STARD7: variants seen among roughly 807,000 people sequenced by gnomAD.
STARD7 encodes the protein StAR related lipid transfer domain containing 7.
A neutral mutation model predicts 45.3 loss-of-function variants in STARD7; 30 were observed. That is an observed-to-expected ratio of 0.66 (90% CI 0.50 to 0.90). STARD7 has a LOEUF of 0.90. Ranked by LOEUF, STARD7 falls within the 40% of genes least tolerant of loss-of-function variation. The pLI is 0.00. For synonymous variants in STARD7, 199 were observed against 183.0 expected (o/e 1.09, Z -0.70); for missense variants, 495 against 491.3 (o/e 1.01, Z -0.07).
At chr2:96,187,438 T>G in intron 6 of STARD7, 137 bp from the exon 7 acceptor site, 1 of 624,250 alleles carries the variant, frequency 1.6e-6, no homozygotes, top group Non-Finnish European at 2.8e-6. Flanking sequence ...CAGAAAAGAG[T>G]TAACACTGAA....
intron 1 of STARD7, among the ~76,000 whole-genome samples, chr2:96,203,494 G>A (rs904349897): frequency 6.6e-6 from 1 of 152,188 alleles, no homozygotes; most frequent in African/African-American, 2.4e-5. Context: ...TCATCTAGGG[G>A]TCCTGCCCTC....
At chr2:96,199,429 T>A (rs1193664782) in intron 1 of STARD7, among the ~76,000 whole-genome samples, 1 of 152,256 alleles carries the variant, frequency 6.6e-6, no homozygotes, top group Admixed American at 6.5e-5. Flanking sequence ...ATTCCTTTTA[T>A]GCTACTGTAA....
At chr2:96,195,605 G>T in intron 1 of STARD7, 56 bp from the exon 2 acceptor site, 1 of 1,390,842 alleles carries the variant, frequency 7.2e-7, no homozygotes, top group South Asian at 1.2e-5. Flanking sequence ...GTGAAATGAA[G>T]TGTCCACACA....
intron 6 of STARD7, among the ~76,000 whole-genome samples, chr2:96,192,055 G>A (rs553289902): frequency 3.3e-5 from 5 of 152,288 alleles, no homozygotes; most frequent in East Asian, 3.9e-4. Flanking sequence ...GTAAAATGTT[G>A]ACAGGAGGTA....
Position 96,186,697 on chromosome 2 carries a change from G to C in STARD7, c.*33C>G. On this transcript the variant is annotated 3_prime_UTR_variant, in exon 8 of 8. Transcript: ENST00000337288. The stretch of plus-strand genomic sequence containing the variant: ...GTGATAACGGACTGAGACAGGGCTA[G>C]AAGCACCTTGTCCCTTCTTATCCCA... The C allele has an allele frequency of 6.4e-7, 1 of 1,558,530 alleles. No individual in the cohort carries two copies.
At chr2:96,187,122 G>T in intron 7 of STARD7, 95 bp downstream of exon 7, 55 of 937,332 alleles carry the variant, frequency 5.9e-5, no homozygotes, top group Non-Finnish European at 8.3e-5. Context: ...AAAAAAAGAA[G>T]AACCAGAAGA....
In STARD7 at chr2:96,208,102, C is replaced by T. The variant is rs184426136; in HGVS notation, c.290+43G>A. On this transcript the variant is annotated intron_variant, in intron 1 of 7. Transcript: ENST00000337288. Reference sequence around the variant, plus strand: ...AGGGCAGGCCCCAGGGTTCACAAGCCCCCCCACCCCACGGCCCAGAAAGAG... The same window carrying T: ...AGGGCAGGCCCCAGGGTTCACAAGCTCCCCCACCCCACGGCCCAGAAAGAG... The T allele has an allele frequency of 6.2e-4, 920 of 1,491,018 alleles. 8 individuals are homozygous for T. The African/African-American group carries it at 0.012, about 20-fold the overall frequency. The allele number at this position is 1,491,018 out of a possible 1,614,324, so 92.4% of individuals were successfully genotyped here.
intron 1 of STARD7, among the ~76,000 whole-genome samples, chr2:96,207,434 C>T (rs899875150): frequency 6.6e-6 from 1 of 152,162 alleles, no homozygotes; most frequent in African/African-American, 2.4e-5. Flanking sequence ...GCAAAGTTTC[C>T]CCATGACATT....
chr2:96,205,037 T>G (rs966143594), intron 1 of STARD7, among the ~76,000 whole-genome samples: 1 of 152,214 alleles, frequency 6.6e-6, no homozygotes, highest in African/African-American at 2.4e-5. Context: ...TTTTTAACTG[T>G]TCCAAAGCAA....
chr2:96,197,079 A>ATAACATAACATAAC (rs1558735802), intron 1 of STARD7, among the ~76,000 whole-genome samples: 1 of 135,646 alleles, frequency 7.4e-6, no homozygotes, highest in Non-Finnish European at 1.6e-5. Context: ...AATAAAATAA[A>ATAACATAACATAAC]ATAAAATAAA....
chr2:96,201,658 C>A, intron 1 of STARD7, among the ~76,000 whole-genome samples: 1 of 151,748 alleles, frequency 6.6e-6, no homozygotes, highest in African/African-American at 2.4e-5. Flanking sequence ...ATTAGCCAGG[C>A]ATGGTGGCCT....
chr2:96,193,070 A>T lies in STARD7; in HGVS notation c.743+8T>A. On this transcript the variant is annotated splice_region_variant and intron_variant, in intron 5 of 7. Coordinates refer to ENST00000337288, the MANE Select transcript of STARD7 (RefSeq NM_020151.4). Reference sequence around the variant, plus strand: ...AACTCGGCAACAGCCACAGGCAGCCATACATACCGCGACACCAACACCATC... The same window carrying T: ...AACTCGGCAACAGCCACAGGCAGCCTTACATACCGCGACACCAACACCATC... 1.9e-6 allele frequency: 3 copies of T among 1,608,754 alleles called. No homozygotes were observed. The highest frequency in any genetic ancestry group is 2.6e-6 in the Non-Finnish European group (3 of 1,175,524).
chr2:96,198,075 C>T (rs546942272), intron 1 of STARD7, among the ~76,000 whole-genome samples: 84 of 152,198 alleles, frequency 5.5e-4, no homozygotes, highest in African/African-American at 1.8e-3. Context: ...ATAATCCTAG[C>T]ACTTCGGGAG....
rs2104180054 is a variant in STARD7, at chr2:96,192,994, A to G, written c.743+84T>C. On this transcript the variant is annotated intron_variant, in intron 5 of 7. Coordinates refer to ENST00000337288, the MANE Select transcript of STARD7 (RefSeq NM_020151.4). ...GAAGCCTGTGGGAGACTCATAGGAC[A>G]CTAAGAATATACAAACTCAGGTACG... 1.3e-5 allele frequency: 13 copies of G among 977,644 alleles called. 1 individual carries two copies. In the East Asian group the frequency reaches 2.0e-4, roughly 15 times the overall value. The allele number at this position is 977,644 out of a possible 1,614,324, so 60.6% of individuals were successfully genotyped here. A position where few individuals can be genotyped will look rare whatever the true frequency, so the allele number is the denominator to read the frequency against.
Position 96,195,020 on chromosome 2 carries a change from G to C in STARD7, c.500-13C>G. 1 of 1,603,376 alleles carries C rather than the reference G, an allele frequency of 6.2e-7. No individual in the cohort carries two copies. The highest frequency in any genetic ancestry group is 8.5e-7 in the Non-Finnish European group (1 of 1,174,496). The stretch of plus-strand genomic sequence containing the variant: ...TAGGTTCCAAAAACTAGAATGAAAA[G>C]AAAGAATAAGGGATGCTGGCCATAC... On this transcript the variant is annotated splice_polypyrimidine_tract_variant and intron_variant, in intron 2 of 7. Transcript: ENST00000337288.
intron 3 of STARD7, among the ~76,000 whole-genome samples, chr2:96,193,691 C>T (rs1683161188): frequency 6.6e-6 from 1 of 152,106 alleles, no homozygotes; most frequent in Admixed American, 6.5e-5. Context: ...AAGTTTTAAA[C>T]AACAAAAAGT....
intron 6 of STARD7, among the ~76,000 whole-genome samples, chr2:96,191,546 A>G (rs926935373): frequency 6.6e-6 from 1 of 152,010 alleles, no homozygotes; most frequent in Non-Finnish European, 1.5e-5. Flanking sequence ...CTCTCTAAGC[A>G]TGTGAGTCTC....
chr2:96,201,875 T>G (rs1043457379), intron 1 of STARD7, among the ~76,000 whole-genome samples: 1 of 152,174 alleles, frequency 6.6e-6, no homozygotes, highest in Non-Finnish European at 1.5e-5. Flanking sequence ...GATTAAAAGT[T>G]TAGAGCAATT....
intron 6 of STARD7, 28 bp downstream of exon 6, chr2:96,192,341 G>T: frequency 2.0e-6 from 3 of 1,510,916 alleles, no homozygotes; most frequent in East Asian, 2.3e-5. Flanking sequence ...GCCATGACAT[G>T]TTATCTCTTG....
Sources: gnomAD v4.1 joint callset for allele counts (sites outside exome capture counted in the v4.1 genomes callset) on GRCh38, gnomAD v4.1.1 for gene constraint, MANE v1.5 for transcripts, NCBI Gene and HGNC (gene_info 2026-07-23, HGNC 2026-07-21) for gene names.